TSFM: variants seen among roughly 807,000 people sequenced by gnomAD.
TSFM encodes Ts translation elongation factor, mitochondrial.
In TSFM, 29 loss-of-function variants were observed where a neutral mutation model predicts 33.4. The ratio of observed to expected loss-of-function variants is 0.87; its 90% confidence interval spans 0.65 to 1.18. The LOEUF (loss-of-function observed/expected upper bound fraction) is 1.18, where lower values mean the gene tolerates loss of function less well. Ranked by LOEUF, TSFM falls within the 50% of genes most tolerant of loss-of-function variation. The pLI, the probability that TSFM is intolerant of heterozygous loss-of-function variation, is 0.00. For synonymous variants in TSFM, 178 were observed against 163.5 expected (o/e 1.09, Z -0.68); for missense variants, 394 against 395.6 (o/e 1.00, Z 0.04).
In TSFM at chr12:57,784,236, C is replaced by T. The variant is rs114321187; in HGVS notation, c.231+953C>T. On this transcript the variant is annotated intron_variant, in intron 2 of 5. Coordinates refer to ENST00000652027, the MANE Select transcript of TSFM (RefSeq NM_005726.6). ...TAGGCATAAAAGATAAAAAACGATA[C>T]ATCTCCATAGGGAACTTATCATGTA... 2.6e-3 allele frequency: 1,705 copies of T among 666,212 alleles called. 22 individuals are homozygous for T. Among genetic ancestry groups the T allele is most frequent in the African/African-American group, 0.025 (1,395 of 56,088 alleles). The allele number at this position is 666,212 out of a possible 1,614,324, so 41.3% of individuals were successfully genotyped here. A position where few individuals can be genotyped will look rare whatever the true frequency, so the allele number is the denominator to read the frequency against.
chr12:57,785,816 C>T (rs984395346), intron 2 of TSFM, among the ~76,000 whole-genome samples: 2 of 152,138 alleles, frequency 1.3e-5, no homozygotes, highest in East Asian at 1.9e-4. Flanking sequence ...GGAGGACTAC[C>T]GTGTCACTAG....
chr12:57,786,620 G>A (rs1381046787), intron 3 of TSFM, among the ~76,000 whole-genome samples: 1 of 152,200 alleles, frequency 6.6e-6, no homozygotes, highest in Non-Finnish European at 1.5e-5. Context: ...TAGAGAGTAG[G>A]TATTTTAGAG....
At chr12:57,797,947 C>T (rs1955768949), downstream of TSFM, 2 of 1,613,204 alleles carry the variant, frequency 1.2e-6, no homozygotes, top group South Asian at 1.1e-5. Flanking sequence ...GCAAATTGCC[C>T]TCTTGTGATG....
intron 2 of TSFM, among the ~76,000 whole-genome samples, chr12:57,784,803 C>G (rs990070250): frequency 6.6e-6 from 1 of 151,648 alleles, no homozygotes; most frequent in Non-Finnish European, 1.5e-5. Flanking sequence ...TCTCTTGAAC[C>G]CAAAAGGCGG....
At chr12:57,791,595 A>G (rs1203521387) in intron 4 of TSFM, among the ~76,000 whole-genome samples, 2 of 152,198 alleles carry the variant, frequency 1.3e-5, no homozygotes, top group African/African-American at 2.4e-5. Flanking sequence ...ACTTAATAAT[A>G]TGTCCTGGAA....
At chr12:57,801,367 A>T, downstream of TSFM, 1 of 584,268 alleles carries the variant, frequency 1.7e-6, no homozygotes, top group Non-Finnish European at 3.0e-6. Flanking sequence ...TTTTGGGTCC[A>T]TGCAGGCTTG....
downstream of TSFM, chr12:57,798,104 G>T: frequency 1.7e-6 from 1 of 585,792 alleles, no homozygotes; most frequent in South Asian, 2.8e-5. Flanking sequence ...CTTGAAGAGG[G>T]AAGTAGAATG....
At chr12:57,802,087 C>T (rs145991086), downstream of TSFM, 16 of 1,527,958 alleles carry the variant, frequency 1.0e-5, no homozygotes, top group Non-Finnish European at 1.4e-5. Context: ...AATCAGTACT[C>T]CACCTTCCTG....
At chr12:57,786,070 T>C in intron 2 of TSFM, 93 bp from the exon 3 acceptor site, 1 of 1,384,490 alleles carries the variant, frequency 7.2e-7, no homozygotes, top group Non-Finnish European at 9.5e-7. Context: ...TTAGAGAATT[T>C]AGAGAATCAG....
At chr12:57,785,690 A>C (rs959225364) in intron 2 of TSFM, among the ~76,000 whole-genome samples, 1 of 152,234 alleles carries the variant, frequency 6.6e-6, no homozygotes, top group Non-Finnish European at 1.5e-5. Context: ...TGTTTCAAGT[A>C]TCATGTACTA....
At chr12:57,797,775 A>T (rs1328932882), downstream of TSFM, 3 of 929,370 alleles carry the variant, frequency 3.2e-6, no homozygotes, top group Non-Finnish European at 1.5e-6. Context: ...ATTATATCTA[A>T]ATTAAGTAGC....
chr12:57,785,409 G>GT (rs1034950443), intron 2 of TSFM, among the ~76,000 whole-genome samples: 7 of 152,142 alleles, frequency 4.6e-5, no homozygotes, highest in Middle Eastern at 6.8e-3. Context: ...TGATAACAAT[G>GT]TTTTTTTCTG....
At chr12:57,785,116 CAG>C (rs1272251213) in intron 2 of TSFM, among the ~76,000 whole-genome samples, 2 of 151,814 alleles carry the variant, frequency 1.3e-5, no homozygotes, top group Non-Finnish European at 2.9e-5. Flanking sequence ...TTAGTAGAGA[CAG>C]GGTTTCACCG....
At chr12:57,801,878 G>A (rs1405716934), downstream of TSFM, among the ~76,000 whole-genome samples, 4 of 152,174 alleles carry the variant, frequency 2.6e-5, no homozygotes, top group African/African-American at 7.2e-5. Context: ...TGGCTATCAG[G>A]ATTGTTGTAA....
chr12:57,786,198 G>A lies in TSFM; in HGVS notation c.267G>A (p.Glu89=). The part of the protein sequence containing the change: ...EIWLHKEAQK[E]GWSKAAKLQG... ...GGCTCCACAAGGAGGCCCAGAAGGA[G>A]GGCTGGAGCAAAGCTGCCAAGCTCC... Residue 89 remains glutamate (E), a synonymous_variant, in exon 3 of 6, where the codon GAG becomes GAA. Transcript: ENST00000652027. 6.2e-7 allele frequency: 1 copy of A among 1,609,532 alleles called. No homozygotes were observed. The highest frequency in any genetic ancestry group is 8.5e-7 in the Non-Finnish European group (1 of 1,177,690).
chr12:57,785,148 G>A (rs534048942), intron 2 of TSFM, among the ~76,000 whole-genome samples: 3 of 152,028 alleles, frequency 2.0e-5, no homozygotes, highest in Non-Finnish European at 2.9e-5. Context: ...GGATGGTCTC[G>A]ATCTCCTGAC....
At chr12:57,795,879 GT>G in intron 5 of TSFM, among the ~76,000 whole-genome samples, 3 of 152,244 alleles carry the variant, frequency 2.0e-5, no homozygotes, top group Admixed American at 2.0e-4. Context: ...GCCTCCCAAA[GT>G]GCTGGGATTA....
At chr12:57,784,426 C>G (rs751374870) in intron 2 of TSFM, among the ~76,000 whole-genome samples, 2 of 152,086 alleles carry the variant, frequency 1.3e-5, no homozygotes, top group Non-Finnish European at 2.9e-5. Flanking sequence ...AATAAGTTAA[C>G]CTTAGTTTAA....
Position 57,783,102 on chromosome 12 carries a change from T to G in TSFM, c.58-8T>G. 6.2e-7 allele frequency: 1 copy of G among 1,603,024 alleles called. No homozygotes were observed. The highest frequency in any genetic ancestry group is 8.5e-7 in the Non-Finnish European group (1 of 1,176,270). The stretch of plus-strand genomic sequence containing the variant: ...TCCTGCTCCTCATCCCTTTCTTATC[T>G]CATCTAGGCTGGGTCTCTTCTGCGT... On this transcript the variant is annotated splice_region_variant and splice_polypyrimidine_tract_variant and intron_variant, in intron 1 of 5. Coordinates refer to ENST00000652027, the MANE Select transcript of TSFM (RefSeq NM_005726.6).
Sources: allele counts gnomAD v4.1 joint callset (sites outside exome capture counted in the v4.1 genomes callset), GRCh38; gene constraint gnomAD v4.1.1; transcripts MANE v1.5; gene names NCBI Gene and HGNC (gene_info 2026-07-23, HGNC 2026-07-21).